Variants in ACOT8 observed in about 807,000 individuals in gnomAD.
ACOT8 encodes acyl-CoA thioesterase 8.
ACOT8 carries 31 observed loss-of-function variants against 38.4 expected under a neutral mutation model. The observed-to-expected ratio is 0.81, with a 90% CI of 0.61 to 1.09. ACOT8 has a LOEUF of 1.09. Ranked by LOEUF, ACOT8 falls within the 50% of genes least tolerant of loss-of-function variation. The pLI, the probability that ACOT8 is intolerant of heterozygous loss-of-function variation, is 0.00. For missense variants in ACOT8, 373 were observed against 421.8 expected, an observed-to-expected ratio of 0.88 and a Z score of 1.01; for synonymous variants, 158 against 170.3, an observed-to-expected ratio of 0.93 and a Z score of 0.56.
At chr20:45,849,953 A>T (rs1984956775) in intron 2 of ACOT8, among the ~76,000 whole-genome samples, 1 of 152,152 alleles carries the variant, frequency 6.6e-6, no homozygotes, top group Admixed American at 6.5e-5. Context: ...TCACACCTGT[A>T]ATCCCAACAC....
intron 5 of ACOT8, chr20:45,842,605 G>C: frequency 3.0e-6 from 3 of 993,492 alleles, no homozygotes; most frequent in Non-Finnish European, 3.6e-6. Context: ...TTGGGCCCAA[G>C]TTTGATGTTT....
At chr20:45,842,532 C>G in intron 5 of ACOT8, 2 of 1,008,636 alleles carry the variant, frequency 2.0e-6, no homozygotes, top group Non-Finnish European at 2.4e-6. Flanking sequence ...GAAGAGAGGA[C>G]TTGAGGCCAT....
chr20:45,854,640 G>C (rs543294112), intron 2 of ACOT8, among the ~76,000 whole-genome samples: 1 of 152,310 alleles, frequency 6.6e-6, no homozygotes, highest in East Asian at 1.9e-4. Context: ...GTAGGGCGGG[G>C]AGGTAACCTC....
intron 3 of ACOT8, among the ~76,000 whole-genome samples, chr20:45,845,063 T>C (rs1403658973): frequency 6.6e-6 from 1 of 151,944 alleles, no homozygotes; most frequent in Non-Finnish European, 1.5e-5. Flanking sequence ...ACTAGAGGTG[T>C]ACGCCACTGT....
intron 2 of ACOT8, among the ~76,000 whole-genome samples, chr20:45,854,801 C>T (rs1273840516): frequency 9.3e-5 from 4 of 43,130 alleles, no homozygotes; most frequent in Non-Finnish European, 1.6e-4. Flanking sequence ...AGCTGCCCTA[C>T]CTCCACACCT....
At chr20:45,853,778 A>AGGG (rs1242061475) in intron 2 of ACOT8, 3 of 471,418 alleles carry the variant, frequency 6.4e-6, no homozygotes, top group East Asian at 1.5e-4. Flanking sequence ...GGCCGAGAAG[A>AGGG]GGGGGGCCAA....
At chr20:45,842,440 A>G in intron 5 of ACOT8, 1 of 1,094,556 alleles carries the variant, frequency 9.1e-7, no homozygotes, top group Non-Finnish European at 1.1e-6. Context: ...GGCTCCCTGT[A>G]TAATAAATCA....
intron 1 of ACOT8, among the ~76,000 whole-genome samples, chr20:45,855,827 T>G (rs918582170): frequency 6.6e-6 from 1 of 152,104 alleles, no homozygotes; most frequent in African/African-American, 2.4e-5. Context: ...ACTCCTTCAG[T>G]GTACAGATGA....
In ACOT8 at chr20:45,857,207, G is replaced by C; in HGVS notation, c.109C>G (p.Leu37Val). The change falls in exon 1 of 6, where the codon CTG (leucine) becomes GTG (valine). Residue 37 changes from leucine to valine, a missense_variant. Coordinates refer to ENST00000217455, the MANE Select transcript of ACOT8 (RefSeq NM_005469.4). ...LVTTVLNLEP[L>V]DEDLFRGRHY... ...GGCTACCTGAAGAGATCCTCGTCCA[G>C]CGGCTCGAGGTTGAGCACGGTCGTG... 1.2e-6 allele frequency: 2 copies of C among 1,613,306 alleles called. No homozygotes were observed. The highest frequency in any genetic ancestry group is 1.7e-6 in the Non-Finnish European group (2 of 1,179,644).
In ACOT8 at chr20:45,841,843, G is replaced by C. The variant is rs1301692574; in HGVS notation, c.955C>G (p.Leu319Val). 2.1e-5 allele frequency: 33 copies of C among 1,603,474 alleles called. No homozygotes were observed. Among genetic ancestry groups the C allele is most frequent in the Non-Finnish European group, 2.8e-5 (33 of 1,176,600 alleles). Residue 319 changes from leucine (L) to valine (V), a missense_variant, in exon 6 of 6, where the codon CTG becomes GTG. Leu to Val is a conservative substitution (Grantham distance 32, BLOSUM62 1). Coordinates refer to ENST00000217455, the MANE Select transcript of ACOT8 (RefSeq NM_005469.4). The part of the protein sequence containing the change: ...RVKPQVSESK[L>V] Reference sequence around the variant, plus strand: ...GGCGAAGCTGGTACCTCTGGCTACAGCTTGCTCTCTGAGACCTGGGGCTTC... The same window carrying C: ...GGCGAAGCTGGTACCTCTGGCTACACCTTGCTCTCTGAGACCTGGGGCTTC...
chr20:45,851,036 G>A (rs1985023622), intron 2 of ACOT8, among the ~76,000 whole-genome samples: 1 of 152,228 alleles, frequency 6.6e-6, no homozygotes, highest in Non-Finnish European at 1.5e-5. Flanking sequence ...TGGGCCATGA[G>A]ACATCTTGGG....
intron 2 of ACOT8, among the ~76,000 whole-genome samples, chr20:45,849,943 T>A (rs1984955910): frequency 6.6e-6 from 1 of 152,090 alleles, no homozygotes; most frequent in South Asian, 2.1e-4. Flanking sequence ...GCACGGTGGC[T>A]CACACCTGTA....
At chr20:45,843,217 A>C in intron 5 of ACOT8, 1 of 510,948 alleles carries the variant, frequency 2.0e-6, no homozygotes, top group Non-Finnish European at 3.5e-6. Flanking sequence ...TAGATGAGGA[A>C]ACTGAGGTTC....
At chr20:45,842,851 G>T in intron 5 of ACOT8, 1 of 996,158 alleles carries the variant, frequency 1.0e-6, no homozygotes, top group Non-Finnish European at 1.2e-6. Context: ...TGAGTATAAA[G>T]AATCCTTGAG....
chr20:45,851,033 TGA>T (rs1446053451), intron 2 of ACOT8, among the ~76,000 whole-genome samples: 1 of 152,222 alleles, frequency 6.6e-6, no homozygotes, highest in Non-Finnish European at 1.5e-5. Flanking sequence ...ATCTGGGCCA[TGA>T]GACATCTTGG....
At chr20:45,847,732 AAAAC>A (rs1323895538) in intron 3 of ACOT8, 2 of 150,942 alleles carry the variant, frequency 1.3e-5, no homozygotes, top group Admixed American at 6.6e-5. Flanking sequence ...CTCCATCTCA[AAAAC>A]AAACAAACAT....
intron 4 of ACOT8, 23 bp from the exon 5 acceptor site, chr20:45,843,744 C>A: frequency 6.2e-7 from 1 of 1,601,612 alleles, no homozygotes; most frequent in South Asian, 1.1e-5. Flanking sequence ...CCCATCAGCC[C>A]TGGGCTCCTG....
chr20:45,855,183 G>C lies in ACOT8; in HGVS notation c.238C>G (p.Leu80Val). Residue 80 changes from leucine (L) to valine (V), a missense_variant, in exon 2 of 6, where the codon CTG becomes GTG. Leu to Val is a conservative substitution (Grantham distance 32). Coordinates refer to ENST00000217455, the MANE Select transcript of ACOT8 (RefSeq NM_005469.4). ...CCTGCCCGAACAAAGTAGCAGTGCA[G>C]GGAGTGCACGTGGACGTCTTCACTC... ...SVSEDVHVHS[L>V]HCYFVRAGDP... The C allele has an allele frequency of 2.5e-6, 4 of 1,614,148 alleles. No homozygotes were observed. Among genetic ancestry groups the C allele is most frequent in the Non-Finnish European group, 3.4e-6 (4 of 1,180,028 alleles).
chr20:45,853,953 G>A (rs1568740246), intron 2 of ACOT8: 1 of 1,304,392 alleles, frequency 7.7e-7, no homozygotes, highest in African/African-American at 1.5e-5. Context: ...TCTCAGCTGG[G>A]GATCTACGCA....
Sources: allele counts gnomAD v4.1 joint callset (sites outside exome capture counted in the v4.1 genomes callset), GRCh38; gene constraint gnomAD v4.1.1; transcripts MANE v1.5; gene names NCBI Gene and HGNC (gene_info 2026-07-23, HGNC 2026-07-21).